MATN2: variants seen among roughly 807,000 people sequenced by gnomAD.
MATN2 encodes matrilin-2.
In MATN2, 69 loss-of-function variants were observed where a neutral mutation model predicts 103.2. The ratio of observed to expected loss-of-function variants is 0.67; its 90% CI spans 0.55 to 0.82. MATN2 has a LOEUF of 0.82. MATN2 is among the 40% of genes least tolerant of loss of function. The pLI, the probability that MATN2 is intolerant of heterozygous loss-of-function variation, is 0.00. For synonymous variants in MATN2, 429 were observed against 450.2 expected (o/e 0.95, Z 0.60); for missense variants, 1,023 against 1,211.5 (o/e 0.84, Z 2.31).
Position 97,915,634 on chromosome 8 carries a change from A to T in MATN2, c.143-15319A>T, listed in dbSNP as rs1217599673. On this transcript the variant is annotated intron_variant, in intron 2 of 18. Coordinates refer to ENST00000254898, the MANE Select transcript of MATN2 (RefSeq NM_002380.5). Reference sequence around the variant, plus strand: ...TCCTTCCTCTCCTCTCTTGCAGCCCAGCCCTGTGTTGCTATTTATTCACAG... The same window carrying T: ...TCCTTCCTCTCCTCTCTTGCAGCCCTGCCCTGTGTTGCTATTTATTCACAG... Among the ~76,000 whole-genome samples the T allele has an allele frequency of 3.3e-5, 5 of 152,198 alleles. No individual in the cohort carries two copies. The East Asian group carries it at 9.6e-4, about 29-fold the overall frequency.
intron 2 of MATN2, among the ~76,000 whole-genome samples, chr8:97,907,779 C>T (rs1237760701): frequency 6.6e-6 from 1 of 152,188 alleles, no homozygotes; most frequent in Non-Finnish European, 1.5e-5. Context: ...TAAGACAATA[C>T]ACATAGAGGG....
rs544800440 is a variant in MATN2 at position 97,872,789 on chromosome 8, A to G, written c.-27+3502A>G. On this transcript the variant is annotated intron_variant, in intron 1 of 18. Transcript: ENST00000254898. ...TAATTCCTAAGTTAATCACATCTCC[A>G]AAGTCCCCCCGTTTTTTTTTTTCAA... Among the ~76,000 whole-genome samples, 29 of 148,374 alleles carry G rather than the reference A, an allele frequency of 2.0e-4. 1 individual carries two copies. The highest frequency in any genetic ancestry group is 1.6e-3 in the Admixed American group (24 of 15,030).
intron 4 of MATN2, among the ~76,000 whole-genome samples, chr8:97,952,799 T>G (rs1811001180): frequency 6.6e-6 from 1 of 152,136 alleles, no homozygotes; most frequent in South Asian, 2.1e-4. Flanking sequence ...CTTTTTGTTA[T>G]GAAATTCCAA....
At chr8:97,915,866 CTGTG>C (rs143764402) in intron 2 of MATN2, among the ~76,000 whole-genome samples, 1 of 150,364 alleles carries the variant, frequency 6.7e-6, no homozygotes, top group Non-Finnish European at 1.5e-5. Context: ...GGTTGTGTGT[CTGTG>C]TGTGTGTGTG....
chr8:97,878,819 C>G (rs1419521363), intron 1 of MATN2, among the ~76,000 whole-genome samples: 1 of 151,932 alleles, frequency 6.6e-6, no homozygotes, highest in African/African-American at 2.4e-5. Context: ...CCACTACACT[C>G]TAGCCTGGGC....
At chr8:98,003,616 G>T (rs551396726) in intron 7 of MATN2, 45 bp from the exon 8 acceptor site, 1 of 1,611,544 alleles carries the variant, frequency 6.2e-7, no homozygotes. Context: ...TCAGCCCTGG[G>T]AGAGGTCCAG....
intron 14 of MATN2, among the ~76,000 whole-genome samples, chr8:98,028,134 A>C (rs998591742): frequency 1.3e-5 from 2 of 152,192 alleles, no homozygotes; most frequent in African/African-American, 4.8e-5. Context: ...AATCGCCTAG[A>C]TATACACAAT....
chr8:97,953,816 G>T (rs1458891011), intron 4 of MATN2, among the ~76,000 whole-genome samples: 1 of 133,562 alleles, frequency 7.5e-6, no homozygotes, highest in Admixed American at 7.5e-5. Context: ...AAAAAAGTTA[G>T]CTGGGTATGG....
intron 2 of MATN2, among the ~76,000 whole-genome samples, chr8:97,916,213 G>C (rs1176667549): frequency 6.6e-6 from 1 of 152,032 alleles, no homozygotes; most frequent in African/African-American, 2.4e-5. Flanking sequence ...GGAATTGCAG[G>C]CACGCGCTAC....
chr8:97,995,818 CTA>C (rs1294605462), intron 7 of MATN2, among the ~76,000 whole-genome samples: 1 of 152,062 alleles, frequency 6.6e-6, no homozygotes, highest in Non-Finnish European at 1.5e-5. Context: ...TCTTATAAAA[CTA>C]TTCTCACTGC....
chr8:97,880,688 G>A (rs7831326), intron 1 of MATN2, among the ~76,000 whole-genome samples: 1 of 152,108 alleles, frequency 6.6e-6, no homozygotes, highest in Non-Finnish European at 1.5e-5. Context: ...ATGTTAATCC[G>A]ACTGGGCTGA....
chr8:97,929,558 C>T (rs1357164196), intron 2 of MATN2, among the ~76,000 whole-genome samples: 3 of 152,178 alleles, frequency 2.0e-5, no homozygotes, highest in South Asian at 2.1e-4. Flanking sequence ...GTACTAGAAA[C>T]GCAAAAGGGA....
At chr8:97,926,089 C>T (rs1345023900) in intron 2 of MATN2, among the ~76,000 whole-genome samples, 2 of 152,170 alleles carry the variant, frequency 1.3e-5, no homozygotes, top group African/African-American at 2.4e-5. Flanking sequence ...GTAAAAGACA[C>T]TCATTTGCCC....
rs574835879 is a variant in MATN2, at chr8:97,954,697, G to A, written c.836-6711G>A. ...TTCACTGTTGTTTTCCCAGCACTCCGAACCGTTCCATCGTTGAATAGATTT... is the reference window on the plus strand; with the variant it reads ...TTCACTGTTGTTTTCCCAGCACTCCAAACCGTTCCATCGTTGAATAGATTT... On this transcript the variant is annotated intron_variant, in intron 4 of 18. Transcript: ENST00000254898. 5.3e-5 allele frequency among the ~76,000 whole-genome samples: 8 copies of A among 152,268 alleles called. No individual in the cohort carries two copies. In the South Asian group the frequency reaches 8.3e-4, roughly 16 times the overall value.
intron 5 of MATN2, among the ~76,000 whole-genome samples, chr8:97,969,372 G>T (rs1452461715): frequency 2.0e-5 from 3 of 152,206 alleles, no homozygotes; most frequent in African/African-American, 7.2e-5. Flanking sequence ...CACCCATAAT[G>T]TAGAATAGTA....
At chr8:97,876,603 C>A (rs1818080426) in intron 1 of MATN2, among the ~76,000 whole-genome samples, 2 of 152,184 alleles carry the variant, frequency 1.3e-5, no homozygotes, top group South Asian at 4.1e-4. Context: ...GCATTACAGG[C>A]TTAAGCCACT....
intron 14 of MATN2, among the ~76,000 whole-genome samples, chr8:98,028,366 C>A (rs1043690978): frequency 1.1e-4 from 17 of 152,170 alleles, no homozygotes; most frequent in Admixed American, 8.5e-4. Context: ...CAGATTATGA[C>A]TCTAAGCTCT....
chr8:98,010,942 G>A (rs1407289170), intron 10 of MATN2, among the ~76,000 whole-genome samples: 3 of 152,224 alleles, frequency 2.0e-5, no homozygotes, highest in Non-Finnish European at 4.4e-5. Context: ...GAGTGTCTTA[G>A]TCTACTCGGG....
Position 97,925,926 on chromosome 8 carries a change from T to C in MATN2, c.143-5027T>C, listed in dbSNP as rs558267227. On this transcript the variant is annotated intron_variant, in intron 2 of 18. Coordinates refer to ENST00000254898, the MANE Select transcript of MATN2 (RefSeq NM_002380.5). ...TATTTACAGTATGATTACACTGCCA[T>C]GATTGAATTTAGCCAGAACGGGAGA... Among the ~76,000 whole-genome samples the C allele has an allele frequency of 5.8e-4, 88 of 152,340 alleles. No individual in the cohort carries two copies. In the South Asian group the frequency reaches 0.017, roughly 30 times the overall value.
Sources: allele counts gnomAD v4.1 joint callset (sites outside exome capture counted in the v4.1 genomes callset), GRCh38; gene constraint gnomAD v4.1.1; transcripts MANE v1.5; gene names NCBI Gene and HGNC (gene_info 2026-07-23, HGNC 2026-07-21).